The following RUNDC3B variants were observed in gnomAD, a reference collection of about 807,000 sequenced individuals.
RUNDC3B encodes RUN domain-containing protein 3B.
Under a neutral mutation model 58.4 loss-of-function variants are expected in RUNDC3B, and 33 were observed. The observed-to-expected ratio is 0.56, with a 90% confidence interval of 0.43 to 0.75. RUNDC3B has a LOEUF of 0.75. RUNDC3B is among the 30% of genes least tolerant of loss of function. The pLI is 0.00. For synonymous variants in RUNDC3B, 193 were observed against 195.2 expected, an observed-to-expected ratio of 0.99 and a Z score of 0.10; for missense variants, 501 against 535.7, an observed-to-expected ratio of 0.94 and a Z score of 0.64.
chr7:87,638,495 T>C lies in RUNDC3B; in HGVS notation c.122+9550T>C, dbSNP rs541426546. Among the ~76,000 whole-genome samples, 12 of 152,232 alleles carry C rather than the reference T, an allele frequency of 7.9e-5. No homozygotes were observed. In the South Asian group the frequency reaches 2.5e-3, roughly 32 times the overall value. ...CGCAAATTGTCTTTGTGGGAAATCATTTAGTAACGGAATCAATTCATTTAA... is the reference window on the plus strand; with the variant it reads ...CGCAAATTGTCTTTGTGGGAAATCACTTAGTAACGGAATCAATTCATTTAA... On this transcript the variant is annotated intron_variant, in intron 1 of 10. Coordinates refer to ENST00000394654, the MANE Select transcript of RUNDC3B (RefSeq NM_001134405.2).
chr7:87,817,442 C>A (rs1287523665), intron 10 of RUNDC3B, among the ~76,000 whole-genome samples: 1 of 152,160 alleles, frequency 6.6e-6, no homozygotes, highest in Non-Finnish European at 1.5e-5. Context: ...CTTTTCCTAG[C>A]CTCCTACTTG....
intron 10 of RUNDC3B, among the ~76,000 whole-genome samples, chr7:87,829,080 G>A (rs548794090): frequency 3.9e-5 from 6 of 152,256 alleles, no homozygotes; most frequent in African/African-American, 1.4e-4. Context: ...TACTGATGAT[G>A]AGCATATATT....
At chr7:87,804,018 A>G (rs1343243968) in intron 8 of RUNDC3B, among the ~76,000 whole-genome samples, 1 of 152,164 alleles carries the variant, frequency 6.6e-6, no homozygotes, top group Admixed American at 6.5e-5. Context: ...AGTAGCTTAT[A>G]ATCAAAGTAG....
intron 4 of RUNDC3B, among the ~76,000 whole-genome samples, chr7:87,738,345 C>T (rs1485802840): frequency 6.6e-6 from 1 of 151,998 alleles, no homozygotes; most frequent in South Asian, 2.1e-4. Context: ...GTAAAAAAAT[C>T]CTTCCATTTA....
chr7:87,781,974 C>A (rs928627192), intron 8 of RUNDC3B, among the ~76,000 whole-genome samples: 1 of 151,952 alleles, frequency 6.6e-6, no homozygotes, highest in African/African-American at 2.4e-5. Context: ...ATTTTGGTAT[C>A]AAGATGATGC....
rs188416260 is a variant in RUNDC3B, at chr7:87,763,965, T to C, written c.630-6616T>C. On this transcript the variant is annotated intron_variant, in intron 6 of 10. Coordinates refer to ENST00000394654, the MANE Select transcript of RUNDC3B (RefSeq NM_001134405.2). ...GGATGAAATATATAATGTCTGTCTTTGTGTTTATGATATTTTTCAACATTA... is the reference window on the plus strand; with the variant it reads ...GGATGAAATATATAATGTCTGTCTTCGTGTTTATGATATTTTTCAACATTA... 3.8e-3 allele frequency among the ~76,000 whole-genome samples: 575 copies of C among 151,896 alleles called. 2 individuals are homozygous for C. Among genetic ancestry groups the C allele is most frequent in the Admixed American group, 0.012 (179 of 15,244 alleles).
At chr7:87,686,053 G>T (rs1208214361) in intron 2 of RUNDC3B, among the ~76,000 whole-genome samples, 1 of 152,122 alleles carries the variant, frequency 6.6e-6, no homozygotes, top group Non-Finnish European at 1.5e-5. Context: ...CTTTGGAAAT[G>T]AATCATAACC....
rs781294974 is a variant in RUNDC3B, at chr7:87,829,894, A to G, written c.1235A>G (p.Asp412Gly). 6.3e-7 allele frequency: 1 copy of G among 1,599,968 alleles called. No individual in the cohort carries two copies. Among genetic ancestry groups the G allele is most frequent in the Non-Finnish European group, 8.5e-7 (1 of 1,172,520 alleles). The change falls in exon 11 of 11, where the codon GAT (aspartate) becomes GGT (glycine). Residue 412 changes from aspartate (D) to glycine (G), a missense_variant. Asp to Gly is a moderately conservative substitution (Grantham distance 94). Coordinates refer to ENST00000394654, the MANE Select transcript of RUNDC3B (RefSeq NM_001134405.2). The stretch of plus-strand genomic sequence containing the variant: ...TAATTCTAATTTTCAGGTAAGGAAG[A>G]TACTCCCTCATTACTTGGCCTCTGT... The part of the protein sequence containing the change: ...TLNVMSEGKE[D>G]TPSLLGLCGS...
intron 1 of RUNDC3B, among the ~76,000 whole-genome samples, chr7:87,642,644 A>G (rs1184164951): frequency 7.2e-5 from 11 of 151,854 alleles, no homozygotes; most frequent in Admixed American, 7.2e-4. Flanking sequence ...TATATATTTT[A>G]TTATACTTGA....
intron 2 of RUNDC3B, among the ~76,000 whole-genome samples, chr7:87,677,496 A>G (rs1238357241): frequency 6.6e-6 from 1 of 152,152 alleles, no homozygotes; most frequent in South Asian, 2.1e-4. Context: ...AACAGAGAGT[A>G]AAATGTTGAT....
intron 8 of RUNDC3B, among the ~76,000 whole-genome samples, chr7:87,787,710 C>T (rs1835297348): frequency 3.9e-5 from 6 of 152,108 alleles, no homozygotes. Context: ...AGATAACATA[C>T]TCACTTTGTG....
At chr7:87,812,741 TA>T (rs1158930991) in intron 9 of RUNDC3B, among the ~76,000 whole-genome samples, 1 of 152,220 alleles carries the variant, frequency 6.6e-6, no homozygotes, top group Non-Finnish European at 1.5e-5. Context: ...TACTTGTATG[TA>T]AAAAATTATC....
chr7:87,779,265 A>T (rs916592480), intron 8 of RUNDC3B, among the ~76,000 whole-genome samples: 1 of 152,140 alleles, frequency 6.6e-6, no homozygotes, highest in African/African-American at 2.4e-5. Flanking sequence ...CCAATTCAGG[A>T]TTGTGTTTGC....
chr7:87,729,429 C>T (rs1230782423), intron 4 of RUNDC3B, among the ~76,000 whole-genome samples: 1 of 152,160 alleles, frequency 6.6e-6, no homozygotes, highest in Non-Finnish European at 1.5e-5. Flanking sequence ...TCAGGGGAGG[C>T]AGCAAACAGT....
intron 2 of RUNDC3B, among the ~76,000 whole-genome samples, chr7:87,681,514 A>G (rs532608862): frequency 6.6e-6 from 1 of 150,958 alleles, no homozygotes; most frequent in Non-Finnish European, 1.5e-5. Context: ...ACTACACTGT[A>G]ATCTATTAAG....
chr7:87,750,198 G>C (rs577691521), intron 6 of RUNDC3B, among the ~76,000 whole-genome samples: 2 of 152,254 alleles, frequency 1.3e-5, no homozygotes, highest in African/African-American at 4.8e-5. Flanking sequence ...TCCCTACAAA[G>C]GACATGAACT....
chr7:87,767,968 A>T (rs1039589377), intron 6 of RUNDC3B, among the ~76,000 whole-genome samples: 83 of 152,050 alleles, frequency 5.5e-4, no homozygotes, highest in African/African-American at 1.8e-3. Context: ...AAGGGAGAAA[A>T]CTTTTCACCC....
At chr7:87,693,361 T>C (rs917113199) in intron 2 of RUNDC3B, among the ~76,000 whole-genome samples, 1 of 152,170 alleles carries the variant, frequency 6.6e-6, no homozygotes, top group African/African-American at 2.4e-5. Flanking sequence ...AACATAAAAG[T>C]TTTAACAATT....
At chr7:87,736,551 T>C (rs1831943778) in intron 4 of RUNDC3B, among the ~76,000 whole-genome samples, 1 of 151,652 alleles carries the variant, frequency 6.6e-6, no homozygotes, top group Non-Finnish European at 1.5e-5. Context: ...TTGGAAACGG[T>C]GGTATACCTA....
Sources: allele counts gnomAD v4.1 joint callset (sites outside exome capture counted in the v4.1 genomes callset), GRCh38; gene constraint gnomAD v4.1.1; transcripts MANE v1.5; gene names NCBI Gene and HGNC (gene_info 2026-07-23, HGNC 2026-07-21).